The following DYRK1A variants were observed in gnomAD, a reference collection of about 807,000 sequenced individuals.
DYRK1A encodes the protein dual specificity tyrosine-phosphorylation-regulated kinase 1A.
DYRK1A carries 9 observed loss-of-function variants against 79.7 expected under a neutral mutation model. The ratio of observed to expected loss-of-function variants is 0.11; its 90% CI spans 0.07 to 0.20. The LOEUF is 0.20. Ranked by LOEUF, DYRK1A falls within the 10% of genes least tolerant of loss-of-function variation. The pLI is 1.00. For missense variants in DYRK1A, 622 were observed against 956.0 expected (o/e 0.65, Z 4.61); for synonymous variants, 349 against 329.7 (o/e 1.06, Z -0.63).
Position 37,519,736 on chromosome 21 carries a change from G to GTGTTTTTTTT in DYRK1A, c.*7206_*7207insGTTTTTTTTT, listed in dbSNP as rs1329924530. On this transcript the variant is annotated 3_prime_UTR_variant, in exon 12 of 12. Transcript: ENST00000647188. ...AGAGTTTTGAGGTTTGTTGTGGGAA[G>GTGTTTTTTTT]TTTTTTTTTTTTTTTTTTTTTTTGA... is the stretch of plus-strand genomic sequence containing the variant. 1.6e-4 allele frequency: 14 copies of GTGTTTTTTTT among 85,802 alleles called. 1 individual carries two copies. The highest frequency in any genetic ancestry group is 6.8e-4 in the African/African-American group (14 of 20,580). The allele number at this position is 85,802 out of a possible 1,614,324, so 5.3% of individuals were successfully genotyped here.
chr21:37,416,567 A>G (rs2050346389), intron 1 of DYRK1A, among the ~76,000 whole-genome samples: 1 of 151,944 alleles, frequency 6.6e-6, no homozygotes, highest in Non-Finnish European at 1.5e-5. Flanking sequence ...TATTTCTAAA[A>G]TTGCTATATG....
chr21:37,479,473 G>A (rs1195862161), intron 4 of DYRK1A, among the ~76,000 whole-genome samples: 3 of 148,916 alleles, frequency 2.0e-5, no homozygotes, highest in Admixed American at 6.7e-5. Context: ...TTTTTCTGAT[G>A]TTATTCCATG....
intron 2 of DYRK1A, among the ~76,000 whole-genome samples, chr21:37,460,019 T>C (rs2051785689): frequency 1.3e-5 from 2 of 152,216 alleles, no homozygotes; most frequent in African/African-American, 4.8e-5. Flanking sequence ...AAATTGCATT[T>C]GCTCAAACTT....
intron 1 of DYRK1A, among the ~76,000 whole-genome samples, chr21:37,384,626 T>A (rs2049723753): frequency 6.6e-6 from 1 of 152,134 alleles, no homozygotes; most frequent in Non-Finnish European, 1.5e-5. Flanking sequence ...CAGCATGCAA[T>A]CAAAGATTAC....
intron 5 of DYRK1A, among the ~76,000 whole-genome samples, chr21:37,483,854 A>G (rs1462537922): frequency 1.3e-5 from 2 of 152,016 alleles, no homozygotes; most frequent in African/African-American, 4.8e-5. Context: ...CAGTGCTGAG[A>G]TTATAGGCCT....
At position 37,512,293 on chromosome 21, in the gene DYRK1A, T is replaced by A; in HGVS notation, c.2027T>A (p.Val676Glu). ...AATCAGGCCTACCAGAATCGCCCAG[T>A]GGCTGCTAATACCTTGGACTTTGGA... is the stretch of plus-strand genomic sequence containing the variant. ...QGNQAYQNRP[V>E]AANTLDFGQN... The change falls in exon 12 of 12, where the codon GTG becomes GAG. Residue 676 changes from valine (V) to glutamate (E), a missense_variant. Transcript: ENST00000647188. 1 of 1,614,232 alleles carries A rather than the reference T, an allele frequency of 6.2e-7. No homozygotes were observed. The highest frequency in any genetic ancestry group is 8.5e-7 in the Non-Finnish European group (1 of 1,180,034).
Position 37,513,008 on chromosome 21 carries a change from T to C in DYRK1A, c.*477T>C, listed in dbSNP as rs1246307143. On this transcript the variant is annotated 3_prime_UTR_variant, in exon 12 of 12. Transcript: ENST00000647188. ...GTTTTGGGTGGGAGGGTGGGAAATT[T>C]GGGTTTTTAAGTCCTCTAAACACAC... is the stretch of plus-strand genomic sequence containing the variant. 6.3e-6 allele frequency: 1 copy of C among 159,926 alleles called. No homozygotes were observed. The highest frequency in any genetic ancestry group is 1.4e-5 in the Non-Finnish European group (1 of 72,404). 9.9% of individuals were successfully genotyped at this position (159,926 alleles called of 1,614,324 possible).
chr21:37,467,221 A>G (rs1254418560), intron 2 of DYRK1A, among the ~76,000 whole-genome samples: 1 of 152,068 alleles, frequency 6.6e-6, no homozygotes, highest in Non-Finnish European at 1.5e-5. Context: ...ACCAAATCGC[A>G]TTCCAGAAAT....
chr21:37,403,646 A>AT (rs1226212005), intron 1 of DYRK1A, among the ~76,000 whole-genome samples: 1,455 of 96,486 alleles, frequency 0.015, 14 homozygotes, highest in Admixed American at 0.023. Flanking sequence ...AAAAAAAAAA[A>AT]AAATATATAT....
At position 37,438,944 on chromosome 21, in the gene DYRK1A, C is replaced by G. The variant is rs535501290; in HGVS notation, c.10+18560C>G. ...TACTTTAACTGTATTGATTTTTGGA[C>G]CCGTGCACATATATCTATTTAGCCC... On this transcript the variant is annotated intron_variant, in intron 2 of 11. Transcript: ENST00000647188. Among the ~76,000 whole-genome samples, 40 of 152,082 alleles carry G rather than the reference C, an allele frequency of 2.6e-4. No individual in the cohort carries two copies. The South Asian group carries it at 6.6e-3, about 25-fold the overall frequency.
At chr21:37,402,160 T>G (rs1227864991) in intron 1 of DYRK1A, among the ~76,000 whole-genome samples, 1 of 152,170 alleles carries the variant, frequency 6.6e-6, no homozygotes, top group Non-Finnish European at 1.5e-5. Flanking sequence ...TAAAATTTAT[T>G]TTTGTTTAAA....
intron 2 of DYRK1A, among the ~76,000 whole-genome samples, chr21:37,462,889 T>G (rs1156759042): frequency 6.6e-6 from 1 of 152,170 alleles, no homozygotes; most frequent in Non-Finnish European, 1.5e-5. Flanking sequence ...AACGGTTATT[T>G]CGTATGTTTT....
intron 1 of DYRK1A, among the ~76,000 whole-genome samples, chr21:37,403,646 A>ATATATAT (rs1226212005): frequency 1.0e-5 from 1 of 96,542 alleles, no homozygotes; most frequent in African/African-American, 3.9e-5. Flanking sequence ...AAAAAAAAAA[A>ATATATAT]AAATATATAT....
At chr21:37,495,751 C>A (rs1459453473) in intron 8 of DYRK1A, among the ~76,000 whole-genome samples, 1 of 151,930 alleles carries the variant, frequency 6.6e-6, no homozygotes, top group Non-Finnish European at 1.5e-5. Context: ...CTGAGTGCAC[C>A]ACTGTACTCC....
At chr21:37,394,626 G>A (rs867110621) in intron 1 of DYRK1A, among the ~76,000 whole-genome samples, 6 of 152,046 alleles carry the variant, frequency 3.9e-5, no homozygotes, top group African/African-American at 1.5e-4. Context: ...TCATAGGAGC[G>A]CGAACCCTGT....
At chr21:37,417,297 T>C (rs1162421141) in intron 1 of DYRK1A, among the ~76,000 whole-genome samples, 2 of 152,080 alleles carry the variant, frequency 1.3e-5, no homozygotes, top group East Asian at 3.9e-4. Flanking sequence ...TTCAAGCAAT[T>C]CTTCTGCCTC....
intron 1 of DYRK1A, among the ~76,000 whole-genome samples, chr21:37,377,063 C>T: frequency 6.6e-6 from 1 of 152,082 alleles, no homozygotes; most frequent in East Asian, 1.9e-4. Context: ...TATTTAAAAT[C>T]CAAACCAAAT....
At chr21:37,485,309 A>G (rs1258210667) in intron 5 of DYRK1A, among the ~76,000 whole-genome samples, 2 of 152,216 alleles carry the variant, frequency 1.3e-5, no homozygotes, top group Non-Finnish European at 1.5e-5. Flanking sequence ...CCAGTGAAGC[A>G]GAAGCATATC....
intron 1 of DYRK1A, among the ~76,000 whole-genome samples, chr21:37,395,082 A>G (rs2049936748): frequency 2.0e-5 from 3 of 152,132 alleles, no homozygotes; most frequent in Admixed American, 2.0e-4. Context: ...TCATCCATTT[A>G]AATAGTTCTC....
Sources: allele counts gnomAD v4.1 joint callset (sites outside exome capture counted in the v4.1 genomes callset), GRCh38; gene constraint gnomAD v4.1.1; transcripts MANE v1.5; gene names NCBI Gene and HGNC (gene_info 2026-07-23, HGNC 2026-07-21).